Variants in KALRN observed in about 807,000 individuals in gnomAD.
KALRN encodes kalirin.
In KALRN, 70 loss-of-function variants were observed where a neutral mutation model predicts 353.7. That is an observed-to-expected ratio of 0.20 (90% CI 0.16 to 0.24). The LOEUF is 0.24. Among genes scored for constraint, KALRN ranks in the 10% least tolerant of loss-of-function variants. The pLI, the probability that KALRN is intolerant of heterozygous loss-of-function variation, is 1.00. For synonymous variants in KALRN, 1,391 were observed against 1,434.8 expected, an observed-to-expected ratio of 0.97 and a Z score of 0.69; for missense variants, 2,791 against 3,756.7, an observed-to-expected ratio of 0.74 and a Z score of 6.72.
At chr3:124,494,896 G>A (rs540076488) in intron 32 of KALRN, among the ~76,000 whole-genome samples, 2 of 152,160 alleles carry the variant, frequency 1.3e-5, no homozygotes, top group Non-Finnish European at 2.9e-5. Context: ...CAGCATCAGG[G>A]TATCTTTTAT....
intron 36 of KALRN, among the ~76,000 whole-genome samples, chr3:124,634,523 A>G (rs2081145198): frequency 1.3e-5 from 2 of 152,186 alleles, no homozygotes; most frequent in South Asian, 4.1e-4. Context: ...GCATAGGCTC[A>G]CTGGTATTTG....
intron 33 of KALRN, among the ~76,000 whole-genome samples, chr3:124,548,169 A>T (rs1003576191): frequency 8.5e-5 from 13 of 152,176 alleles, no homozygotes; most frequent in African/African-American, 3.1e-4. Context: ...CTAGCTACCA[A>T]ACTCATAACT....
At position 124,446,829 on chromosome 3, in the gene KALRN, A is replaced by G. The variant is rs765387746; in HGVS notation, c.3496A>G (p.Thr1166Ala). ...AACACATACCTCCACTGGAGAGACCACAGAGGAGACTCAGGAACTGCTGAA... is the reference window on the plus strand; with the variant it reads ...AACACATACCTCCACTGGAGAGACCGCAGAGGAGACTCAGGAACTGCTGAA... ...LSTHTSTGET[T>A]EETQELLKEY... The change falls in exon 21 of 60, where the codon ACA becomes GCA. Residue 1166 changes from threonine to alanine, a missense_variant. This residue lies in a region of KALRN where 268 missense variants were observed against 347.0 expected (regional missense o/e 0.77). Transcript: ENST00000682506. 12 of 1,613,804 alleles carry G rather than the reference A, an allele frequency of 7.4e-6. No homozygotes were observed. Among genetic ancestry groups the G allele is most frequent in the Non-Finnish European group, 1.0e-5 (12 of 1,179,834 alleles).
intron 33 of KALRN, among the ~76,000 whole-genome samples, chr3:124,500,630 A>G (rs1317564232): frequency 6.6e-6 from 1 of 152,232 alleles, no homozygotes; most frequent in African/African-American, 2.4e-5. Flanking sequence ...AAATGGCATT[A>G]GTAGCTTTTC....
chr3:124,298,706 T>G, intron 5 of KALRN, 85 bp from the exon 6 acceptor site: 1 of 1,496,784 alleles, frequency 6.7e-7, no homozygotes, highest in South Asian at 1.2e-5. Context: ...CAGGAGAGCT[T>G]TTTCCCCTTC....
intron 27 of KALRN, among the ~76,000 whole-genome samples, chr3:124,478,924 C>A (rs1302302325): frequency 6.6e-6 from 1 of 152,168 alleles, no homozygotes; most frequent in Non-Finnish European, 1.5e-5. Context: ...AACACACACA[C>A]CCTTCTGTCT....
intron 58 of KALRN, among the ~76,000 whole-genome samples, chr3:124,716,781 G>A (rs1181761322): frequency 6.6e-6 from 1 of 152,178 alleles, no homozygotes; most frequent in Non-Finnish European, 1.5e-5. Context: ...ATTCCAGCCT[G>A]GGCGACACAG....
At chr3:124,067,813 T>C (rs2042500961) in intron 1 of KALRN, among the ~76,000 whole-genome samples, 1 of 152,202 alleles carries the variant, frequency 6.6e-6, no homozygotes, top group Admixed American at 6.5e-5. Flanking sequence ...TCACCAGTTA[T>C]CCTGATGAAC....
At chr3:124,566,169 G>A (rs1460902132) in intron 34 of KALRN, among the ~76,000 whole-genome samples, 1 of 152,132 alleles carries the variant, frequency 6.6e-6, no homozygotes, top group Non-Finnish European at 1.5e-5. Context: ...TCACCCATGT[G>A]AGCTCTGAAT....
chr3:124,573,398 A>C (rs1441791628), intron 34 of KALRN, among the ~76,000 whole-genome samples: 2 of 152,212 alleles, frequency 1.3e-5, no homozygotes, highest in Non-Finnish European at 2.9e-5. Context: ...TCTTTGTCTA[A>C]GTTCTGATAC....
At chr3:124,270,829 T>TGTC (rs71145442) in intron 5 of KALRN, among the ~76,000 whole-genome samples, 2 of 136,326 alleles carry the variant, frequency 1.5e-5, no homozygotes, top group South Asian at 5.2e-4. Context: ...GTTTTGTTTT[T>TGTC]TTTTTTTTTT....
intron 50 of KALRN, 58 bp from the exon 51 acceptor site, chr3:124,679,400 G>T: frequency 6.8e-7 from 1 of 1,462,816 alleles, no homozygotes; most frequent in Non-Finnish European, 9.5e-7. Context: ...TCTAGCAAAA[G>T]CTACTTGTGT....
chr3:124,046,485 G>A (rs2149112912), intron 1 of KALRN, among the ~76,000 whole-genome samples: 1 of 152,330 alleles, frequency 6.6e-6, no homozygotes, highest in Non-Finnish European at 1.5e-5. Context: ...GTGAGCCTGG[G>A]AAGAGAGGAG....
intron 21 of KALRN, among the ~76,000 whole-genome samples, chr3:124,453,994 G>A (rs534877319): frequency 1.3e-5 from 2 of 152,228 alleles, no homozygotes; most frequent in African/African-American, 2.4e-5. Flanking sequence ...CTAAACTATA[G>A]CTCTTTACAC....
At chr3:124,323,070 C>T (rs2079511549) in intron 6 of KALRN, among the ~76,000 whole-genome samples, 2 of 147,690 alleles carry the variant, frequency 1.4e-5, no homozygotes, top group South Asian at 4.3e-4. Flanking sequence ...CAAGACATTT[C>T]TCCGCCTGCT....
chr3:124,062,808 A>G, intron 1 of KALRN, among the ~76,000 whole-genome samples: 1 of 152,244 alleles, frequency 6.6e-6, no homozygotes, highest in Non-Finnish European at 1.5e-5. Flanking sequence ...GAAATTCTCT[A>G]GAAAACATAC....
chr3:124,499,027 G>A (rs2064202772), intron 33 of KALRN, among the ~76,000 whole-genome samples: 1 of 152,136 alleles, frequency 6.6e-6, no homozygotes, highest in Non-Finnish European at 1.5e-5. Context: ...GCTGTGGGAG[G>A]GGAAGGGGTG....
rs1476853609 is a variant in KALRN, at chr3:124,723,863, A to G, written c.*4393A>G. 1 of 152,210 alleles carries G rather than the reference A, an allele frequency of 6.6e-6. No individual in the cohort carries two copies. The highest frequency in any genetic ancestry group is 1.5e-5 in the Non-Finnish European group (1 of 68,036). The allele number at this position is 152,210 out of a possible 1,614,324, so 9.4% of individuals were successfully genotyped here. A position where few individuals can be genotyped will look rare whatever the true frequency, so the allele number is the denominator to read the frequency against. Reference sequence around the variant, plus strand: ...AAAAAGGACAGAGAAGAACCCAACAACCACTTTCTTCACTTGGGAGGGCAG... The same window carrying G: ...AAAAAGGACAGAGAAGAACCCAACAGCCACTTTCTTCACTTGGGAGGGCAG... On this transcript the variant is annotated 3_prime_UTR_variant, in exon 60 of 60. Coordinates refer to ENST00000682506, the MANE Select transcript of KALRN (RefSeq NM_001388419.1).
chr3:124,146,745 T>C (rs909719205), intron 1 of KALRN, among the ~76,000 whole-genome samples: 1 of 151,312 alleles, frequency 6.6e-6, no homozygotes, highest in African/African-American at 2.4e-5. Context: ...AGTATGGTGG[T>C]GCATGCCTGT....
Sources: gnomAD v4.1 joint callset for allele counts (sites outside exome capture counted in the v4.1 genomes callset) on GRCh38, gnomAD v4.1.1 for gene constraint, gnomAD v4.1.1 regional missense constraint, MANE v1.5 for transcripts, NCBI Gene and HGNC (gene_info 2026-07-23, HGNC 2026-07-21) for gene names.